GALNT13: variants seen among roughly 807,000 people sequenced by gnomAD.
GALNT13 encodes UDP-GalNAc:polypeptide N-acetylgalactosaminyltransferase 13.
In GALNT13, 28 loss-of-function variants were observed where a neutral mutation model predicts 64.2. The observed-to-expected ratio is 0.44, with a 90% CI of 0.32 to 0.60. GALNT13 has a LOEUF of 0.60. Among genes scored for constraint, GALNT13 ranks in the 20% least tolerant of loss-of-function variants. GALNT13 has a pLI of 0.05. For synonymous variants in GALNT13, 214 were observed against 224.6 expected (o/e 0.95, Z 0.42); for missense variants, 577 against 669.8 (o/e 0.86, Z 1.53).
At chr2:154,325,499 T>C (rs1191737216) in intron 9 of GALNT13, among the ~76,000 whole-genome samples, 1 of 152,158 alleles carries the variant, frequency 6.6e-6, no homozygotes, top group Non-Finnish European at 1.5e-5. Flanking sequence ...TACTACAATC[T>C]CGGAACTGAG....
chr2:154,037,301 T>C (rs762007925), intron 3 of GALNT13, among the ~76,000 whole-genome samples: 4 of 152,174 alleles, frequency 2.6e-5, no homozygotes, highest in Non-Finnish European at 4.4e-5. Flanking sequence ...TACTTTCTTA[T>C]TGCCCATGGT....
At chr2:154,084,658 A>G (rs1701438378) in intron 3 of GALNT13, among the ~76,000 whole-genome samples, 1 of 151,968 alleles carries the variant, frequency 6.6e-6, no homozygotes, top group Admixed American at 6.6e-5. Context: ...GTCTTAGTTA[A>G]AATAATAGGG....
chr2:153,141,170 A>G, the GALNT13 span, among the ~76,000 whole-genome samples: 2 of 140,854 alleles, frequency 1.4e-5, no homozygotes, highest in Non-Finnish European at 3.2e-5. Context: ...AATGTTTTCT[A>G]GATTCATCCC....
the GALNT13 span, among the ~76,000 whole-genome samples, chr2:153,621,179 C>T: frequency 1.3e-5 from 2 of 151,938 alleles, no homozygotes; most frequent in Non-Finnish European, 2.9e-5. Flanking sequence ...CTAACATGCT[C>T]GAACCTACAT....
the GALNT13 span, among the ~76,000 whole-genome samples, chr2:153,720,962 G>A: frequency 7.9e-5 from 12 of 152,070 alleles, no homozygotes; most frequent in East Asian, 1.9e-4. Context: ...TACAGAGAAC[G>A]CCACAAAGAT....
chr2:153,740,038 T>A, the GALNT13 span, among the ~76,000 whole-genome samples: 1 of 152,050 alleles, frequency 6.6e-6, no homozygotes, highest in Admixed American at 6.6e-5. Context: ...AAATTTTCTG[T>A]GTGATCTTGT....
the GALNT13 span, among the ~76,000 whole-genome samples, chr2:153,789,382 T>C: frequency 6.6e-6 from 1 of 152,168 alleles, no homozygotes; most frequent in South Asian, 2.1e-4. Flanking sequence ...ATCAAGAAGT[T>C]CTTTGAAGCT....
At chr2:153,299,349 T>C in the GALNT13 span, among the ~76,000 whole-genome samples, 5 of 152,172 alleles carry the variant, frequency 3.3e-5, no homozygotes, top group Non-Finnish European at 4.4e-5. Context: ...AACTAGGTAC[T>C]TGAGGGGAAT....
At chr2:153,676,313 G>T in the GALNT13 span, among the ~76,000 whole-genome samples, 2 of 151,960 alleles carry the variant, frequency 1.3e-5, no homozygotes, top group East Asian at 3.9e-4. Context: ...GATTGAACCA[G>T]GAAGAAATTG....
the GALNT13 span, among the ~76,000 whole-genome samples, chr2:153,720,694 T>A: frequency 6.7e-6 from 1 of 149,374 alleles, no homozygotes; most frequent in Non-Finnish European, 1.5e-5. Flanking sequence ...TGCGATCAAC[T>A]GGAAGAAAGG....
the GALNT13 span, among the ~76,000 whole-genome samples, chr2:153,167,097 T>A: frequency 6.6e-6 from 1 of 152,222 alleles, no homozygotes; most frequent in South Asian, 2.1e-4. Flanking sequence ...TTTAAGCTGC[T>A]AAATTTGTGG....
the GALNT13 span, among the ~76,000 whole-genome samples, chr2:153,474,491 G>A: frequency 1.3e-5 from 2 of 152,200 alleles, no homozygotes; most frequent in Non-Finnish European, 2.9e-5. Context: ...ACTTGACAGA[G>A]TAGTGTGACC....
chr2:153,530,784 G>T, the GALNT13 span, among the ~76,000 whole-genome samples: 941 of 152,282 alleles, frequency 6.2e-3, 9 homozygotes, highest in South Asian at 0.014. Context: ...AACATGCACT[G>T]AGGAAAAGAC....
chr2:153,680,392 T>C, the GALNT13 span, among the ~76,000 whole-genome samples: 3 of 151,838 alleles, frequency 2.0e-5, no homozygotes, highest in African/African-American at 7.2e-5. Flanking sequence ...GATTACAGTT[T>C]ACAAAAACAG....
At chr2:154,100,157 T>C (rs1039358670) in intron 3 of GALNT13, among the ~76,000 whole-genome samples, 28 of 152,252 alleles carry the variant, frequency 1.8e-4, no homozygotes, top group African/African-American at 6.7e-4. Flanking sequence ...CTCTAGCTTT[T>C]TTCTTTTTTC....
At chr2:154,145,100 C>CTATCTATCTATA (rs796615512) in intron 4 of GALNT13, among the ~76,000 whole-genome samples, 83 of 119,520 alleles carry the variant, frequency 6.9e-4, no homozygotes, top group East Asian at 5.9e-3. Context: ...ATCTATCTAT[C>CTATCTATCTATA]TATATATATA....
chr2:154,351,799 C>G (rs551435621), intron 9 of GALNT13, among the ~76,000 whole-genome samples: 2 of 142,442 alleles, frequency 1.4e-5, no homozygotes, highest in Non-Finnish European at 3.0e-5. Context: ...ATCTATGTAT[C>G]TATCACAAGG....
the GALNT13 span, among the ~76,000 whole-genome samples, chr2:153,405,902 GC>G: frequency 6.6e-6 from 1 of 152,128 alleles, no homozygotes; most frequent in African/African-American, 2.4e-5. Flanking sequence ...ATGCAGACTG[GC>G]AAGCAAAGAT....
the GALNT13 span, among the ~76,000 whole-genome samples, chr2:153,348,477 T>C: frequency 3.9e-5 from 6 of 152,236 alleles, no homozygotes; most frequent in Non-Finnish European, 8.8e-5. Flanking sequence ...TTCATAAAGC[T>C]TCCCCATTTT....
Sources: gnomAD v4.1 joint callset for allele counts (sites outside exome capture counted in the v4.1 genomes callset) on GRCh38, gnomAD v4.1.1 for gene constraint, MANE v1.5 for transcripts, NCBI Gene and HGNC (gene_info 2026-07-23, HGNC 2026-07-21) for gene names.